Variants in FRMPD1 observed in about 807,000 individuals in gnomAD.
The protein encoded by FRMPD1 is FERM and PDZ domain containing 1, also known as FERM and PDZ domain-containing protein 1.
In FRMPD1, 76 loss-of-function variants were observed where a neutral mutation model predicts 117.8. The observed-to-expected ratio is 0.65, with a 90% CI of 0.54 to 0.78. FRMPD1 has a LOEUF of 0.78. Ranked by LOEUF, FRMPD1 falls within the 30% of genes least tolerant of loss-of-function variation. The probability of loss-of-function intolerance (pLI) is 0.00; values close to 1 mark genes in which losing one functional copy is unlikely to be tolerated. For synonymous variants in FRMPD1, 783 were observed against 770.4 expected (o/e 1.02, Z -0.27); for missense variants, 1,786 against 1,964.5 (o/e 0.91, Z 1.72).
At chr9:37,717,175 C>G (rs912509790) in intron 5 of FRMPD1, among the ~76,000 whole-genome samples, 3 of 152,078 alleles carry the variant, frequency 2.0e-5, no homozygotes, top group Middle Eastern at 3.4e-3. Context: ...ATGGACTTCT[C>G]TCTTCAAAGG....
chr9:37,745,380 T>C lies in FRMPD1; in HGVS notation c.3348T>C (p.Val1116=). ...TATCTCTGGAAAGAGACAGAGAAGTTACAAACAAAAATGGCACCAACGTAT... is the reference window on the plus strand; with the variant it reads ...TATCTCTGGAAAGAGACAGAGAAGTCACAAACAAAAATGGCACCAACGTAT... ...GQLSLERDRE[V]TNKNGTNVFQ... Residue 1116 remains valine (V), a synonymous_variant, in exon 16 of 16, where the codon GTT becomes GTC. Coordinates refer to ENST00000377765, the MANE Select transcript of FRMPD1 (RefSeq NM_014907.3). 1.2e-6 allele frequency: 2 copies of C among 1,614,082 alleles called. No individual in the cohort carries two copies. Among genetic ancestry groups the C allele is most frequent in the Non-Finnish European group, 1.7e-6 (2 of 1,179,952 alleles).
At chr9:37,672,436 A>G (rs1821384602) in intron 1 of FRMPD1, among the ~76,000 whole-genome samples, 2 of 152,318 alleles carry the variant, frequency 1.3e-5, no homozygotes, top group Non-Finnish European at 2.9e-5. Context: ...AGTCCTGTAA[A>G]TAATAACAGC....
chr9:37,646,028 G>A (rs576813472), upstream of FRMPD1, among the ~76,000 whole-genome samples: 2 of 152,222 alleles, frequency 1.3e-5, no homozygotes, highest in East Asian at 3.9e-4. Context: ...ACAGAATTAG[G>A]GTCTAGAACG....
rs961623499 is a variant in FRMPD1 at position 37,731,610 on chromosome 9, G to A, written c.858+507G>A. Among the ~76,000 whole-genome samples the A allele has an allele frequency of 9.2e-5, 14 of 152,130 alleles. No homozygotes were observed. The South Asian group carries it at 1.9e-3, about 20-fold the overall frequency. On this transcript the variant is annotated intron_variant, in intron 9 of 15. Transcript: ENST00000377765. ...TTTGGAGCCGGGTGCGGTAGCTCAC[G>A]CCTGTAATGTCAGCATTTTAGGAGG...
chr9:37,636,839 G>A, the FRMPD1 span: 3 of 1,611,722 alleles, frequency 1.9e-6, no homozygotes, highest in Non-Finnish European at 2.5e-6. Context: ...GGCATTCTTG[G>A]CACTCGTCTC....
chr9:37,713,831 A>G (rs1408775222), intron 5 of FRMPD1, among the ~76,000 whole-genome samples: 1 of 152,172 alleles, frequency 6.6e-6, no homozygotes, highest in African/African-American at 2.4e-5. Flanking sequence ...ATATGGATGG[A>G]TGTCTGTCTG....
At chr9:37,720,885 C>CA (rs905314117) in intron 6 of FRMPD1, among the ~76,000 whole-genome samples, 3 of 151,780 alleles carry the variant, frequency 2.0e-5, no homozygotes, top group South Asian at 2.1e-4. Flanking sequence ...GACTTCGTCT[C>CA]AAAAAAAAAT....
At chr9:37,728,891 T>A (rs10429563) in intron 7 of FRMPD1, among the ~76,000 whole-genome samples, 63,696 of 148,252 alleles carry the variant, frequency 0.43, 13,687 homozygotes, top group South Asian at 0.54. Flanking sequence ...TGAACCCAGG[T>A]GGCGGCGGTT....
intron 1 of FRMPD1, among the ~76,000 whole-genome samples, chr9:37,660,150 G>A (rs1285403047): frequency 1.3e-5 from 2 of 151,958 alleles, no homozygotes; most frequent in Non-Finnish European, 2.9e-5. Context: ...CCTGTGTGGG[G>A]ATAGGGGCTG....
chr9:37,708,500 A>G lies in FRMPD1; in HGVS notation c.361A>G (p.Arg121Gly). The G allele has an allele frequency of 1.3e-6, 2 of 1,554,818 alleles. No homozygotes were observed. The highest frequency in any genetic ancestry group is 1.1e-5 in the South Asian group (1 of 89,976). The change falls in exon 4 of 16, where the codon AGG (arginine) becomes GGG (glycine). Residue 121 changes from arginine to glycine, a missense_variant and splice_region_variant. Arg to Gly is a moderately radical substitution (Grantham distance 125, BLOSUM62 -2). Coordinates refer to ENST00000377765, the MANE Select transcript of FRMPD1 (RefSeq NM_014907.3). ...LSWERAVDIL[R>G]EAEDSLSITV... ...CTGGGAACGAGCAGTCGATATTCTC[A>G]GGTACTAAATGGTCTTCCATCATCT...
intron 1 of FRMPD1, among the ~76,000 whole-genome samples, chr9:37,654,369 G>A (rs576283879): frequency 1.6e-4 from 24 of 152,318 alleles, no homozygotes; most frequent in Non-Finnish European, 3.4e-4. Context: ...AGCTGGGTGA[G>A]GGTCAGTGCA....
chr9:37,698,918 T>C (rs1301955169), intron 2 of FRMPD1, among the ~76,000 whole-genome samples: 1 of 152,084 alleles, frequency 6.6e-6, no homozygotes, highest in Non-Finnish European at 1.5e-5. Context: ...TTTGTATTTT[T>C]AGTAGAGACA....
chr9:37,708,537 C>A, intron 4 of FRMPD1, 36 bp downstream of exon 4: 1 of 1,204,458 alleles, frequency 8.3e-7, no homozygotes, highest in Non-Finnish European at 1.2e-6. Context: ...CAGAATTGCA[C>A]AGATTATCAA....
In FRMPD1 at chr9:37,651,060, G is replaced by C. The variant is rs1237139624; in HGVS notation, c.-39G>C. The stretch of plus-strand genomic sequence containing the variant: ...CTTCTCCGAGAGCGTCAGCCCGCTA[G>C]GTCCTTGTCCGCGCGGGCGGCACCT... On this transcript the variant is annotated 5_prime_UTR_variant, in exon 1 of 16. Transcript: ENST00000377765. 1 of 152,204 alleles carries C rather than the reference G, an allele frequency of 6.6e-6. No homozygotes were observed. The highest frequency in any genetic ancestry group is 1.5e-5 in the Non-Finnish European group (1 of 68,062). 9.4% of individuals were successfully genotyped at this position (152,204 alleles called of 1,614,324 possible).
At chr9:37,710,552 C>T (rs1451287052) in intron 4 of FRMPD1, among the ~76,000 whole-genome samples, 1 of 152,176 alleles carries the variant, frequency 6.6e-6, no homozygotes, top group Non-Finnish European at 1.5e-5. Flanking sequence ...ACCATAAACT[C>T]TTTGGCTTTT....
intron 2 of FRMPD1, 66 bp from the exon 3 acceptor site, chr9:37,707,350 G>C (rs1822744974): frequency 1.1e-5 from 15 of 1,379,028 alleles, no homozygotes; most frequent in Non-Finnish European, 1.4e-5. Context: ...GCTTAGGGCT[G>C]ACCCAGTTCG....
the FRMPD1 span, among the ~76,000 whole-genome samples, chr9:37,624,974 A>G: frequency 6.6e-6 from 1 of 152,192 alleles, no homozygotes. Context: ...CCCTCTAACA[A>G]TATGTCAGAA....
intron 1 of FRMPD1, among the ~76,000 whole-genome samples, chr9:37,666,901 G>A (rs890077194): frequency 1.3e-5 from 2 of 152,008 alleles, no homozygotes; most frequent in African/African-American, 4.8e-5. Flanking sequence ...CCTCTCCTTT[G>A]ATCCTTCCTC....
chr9:37,703,713 C>T (rs1458825575), intron 2 of FRMPD1, among the ~76,000 whole-genome samples: 1 of 152,194 alleles, frequency 6.6e-6, no homozygotes, highest in Admixed American at 6.5e-5. Context: ...CTCCCTGAAG[C>T]CTTGGACAAC....
Sources: gnomAD v4.1 joint callset for allele counts (sites outside exome capture counted in the v4.1 genomes callset) on GRCh38, gnomAD v4.1.1 for gene constraint, MANE v1.5 for transcripts, NCBI Gene and HGNC (gene_info 2026-07-23, HGNC 2026-07-21) for gene names.